UBE2G1: variants seen among roughly 807,000 people sequenced by gnomAD.
The protein encoded by UBE2G1 is ubiquitin-conjugating enzyme E2 G1.
In UBE2G1, 5 loss-of-function variants were observed where a neutral mutation model predicts 22.7. The observed-to-expected ratio is 0.22, with a 90% CI of 0.12 to 0.46. The LOEUF is 0.46. UBE2G1 is among the 20% of genes least tolerant of loss of function. The pLI, the probability that UBE2G1 is intolerant of heterozygous loss-of-function variation, is 0.99. For missense variants in UBE2G1, 88 were observed against 203.9 expected, an observed-to-expected ratio of 0.43 and a Z score of 3.46; for synonymous variants, 74 against 67.5, an observed-to-expected ratio of 1.10 and a Z score of -0.47.
At chr17:4,351,222 A>G (rs1394148075) in intron 1 of UBE2G1, among the ~76,000 whole-genome samples, 1 of 152,070 alleles carries the variant, frequency 6.6e-6, no homozygotes, top group Admixed American at 6.6e-5. Flanking sequence ...AACTGAATGC[A>G]GGGTATGTAA....
chr17:4,364,746 A>AT (rs1480508470), intron 1 of UBE2G1, among the ~76,000 whole-genome samples: 1 of 151,298 alleles, frequency 6.6e-6, no homozygotes, highest in African/African-American at 2.4e-5. Context: ...CGCCCGAATA[A>AT]TTTTTTGTAT....
At chr17:4,347,395 G>C (rs1031716923) in intron 1 of UBE2G1, among the ~76,000 whole-genome samples, 1 of 150,612 alleles carries the variant, frequency 6.6e-6, no homozygotes, top group East Asian at 1.9e-4. Context: ...AAGTCTATCA[G>C]TGCCATTTTT....
At chr17:4,316,938 TAAAAAAAAA>T (rs33950725) in intron 1 of UBE2G1, among the ~76,000 whole-genome samples, 1 of 134,346 alleles carries the variant, frequency 7.4e-6, no homozygotes, top group South Asian at 2.4e-4. Flanking sequence ...GTCTCTTGAA[TAAAAAAAAA>T]AAAAAAAAAA....
intron 3 of UBE2G1, among the ~76,000 whole-genome samples, chr17:4,295,434 G>A (rs886642008): frequency 2.0e-5 from 3 of 152,154 alleles, no homozygotes; most frequent in Non-Finnish European, 2.9e-5. Flanking sequence ...TGCCCATCTG[G>A]TTTTCAAGCC....
intron 1 of UBE2G1, among the ~76,000 whole-genome samples, chr17:4,351,970 A>G (rs1969850150): frequency 6.6e-6 from 1 of 152,154 alleles, no homozygotes; most frequent in Non-Finnish European, 1.5e-5. Flanking sequence ...CAGTGGTATA[A>G]AATGCGGTGG....
At chr17:4,325,065 A>T (rs1969488364) in intron 1 of UBE2G1, among the ~76,000 whole-genome samples, 1 of 152,100 alleles carries the variant, frequency 6.6e-6, no homozygotes, top group South Asian at 2.1e-4. Context: ...GGACAGAGCG[A>T]GACTCCGTCT....
chr17:4,280,687 G>C (rs1968877717), intron 5 of UBE2G1, among the ~76,000 whole-genome samples: 1 of 151,440 alleles, frequency 6.6e-6, no homozygotes, highest in African/African-American at 2.4e-5. Context: ...GCACAGGCTG[G>C]AGTGCAGTGG....
At chr17:4,332,838 AC>A (rs1466600665) in intron 1 of UBE2G1, among the ~76,000 whole-genome samples, 1 of 151,882 alleles carries the variant, frequency 6.6e-6, no homozygotes, top group Non-Finnish European at 1.5e-5. Flanking sequence ...GTCCACTGTC[AC>A]CCTATTTTTA....
chr17:4,284,646 T>C (rs762786695), intron 4 of UBE2G1, among the ~76,000 whole-genome samples: 44 of 151,746 alleles, frequency 2.9e-4, no homozygotes, highest in Non-Finnish European at 5.4e-4. Flanking sequence ...GTGTGGGTAT[T>C]GGTGCCAAAA....
chr17:4,291,350 C>T (rs1300257449), intron 3 of UBE2G1, among the ~76,000 whole-genome samples: 5 of 104,606 alleles, frequency 4.8e-5, no homozygotes, highest in African/African-American at 1.1e-4. Flanking sequence ...ACGGGCGAAA[C>T]TCCATCTCAA....
At chr17:4,308,951 A>C (rs915192906) in intron 1 of UBE2G1, among the ~76,000 whole-genome samples, 2 of 152,154 alleles carry the variant, frequency 1.3e-5, no homozygotes, top group Non-Finnish European at 2.9e-5. Flanking sequence ...AAATAGGAGA[A>C]AGCCAATAGT....
At chr17:4,362,913 A>C (rs1013134021) in intron 1 of UBE2G1, among the ~76,000 whole-genome samples, 2 of 152,088 alleles carry the variant, frequency 1.3e-5, no homozygotes, top group African/African-American at 4.8e-5. Context: ...ACCTGAAGTC[A>C]GGAGTTCGAG....
At chr17:4,295,625 T>C (rs1212268720) in intron 3 of UBE2G1, among the ~76,000 whole-genome samples, 1 of 152,172 alleles carries the variant, frequency 6.6e-6, no homozygotes, top group African/African-American at 2.4e-5. Flanking sequence ...AAGAGACAAC[T>C]CTGATTACAT....
At chr17:4,340,643 T>C (rs922761447) in intron 1 of UBE2G1, among the ~76,000 whole-genome samples, 1 of 152,166 alleles carries the variant, frequency 6.6e-6, no homozygotes, top group Non-Finnish European at 1.5e-5. Context: ...CTGCCATGAT[T>C]GTAAGTTTCC....
At chr17:4,324,302 G>A (rs1969477013) in intron 1 of UBE2G1, among the ~76,000 whole-genome samples, 1 of 152,172 alleles carries the variant, frequency 6.6e-6, no homozygotes, top group Non-Finnish European at 1.5e-5. Flanking sequence ...CTAAGAAGTG[G>A]CTAGTCTTAC....
Position 4,269,662 on chromosome 17 carries a change from G to A in UBE2G1, c.*2892C>T, listed in dbSNP as rs1049128726. 5.4e-6 allele frequency: 1 copy of A among 186,150 alleles called. No individual in the cohort carries two copies. The highest frequency in any genetic ancestry group is 1.1e-5 in the Non-Finnish European group (1 of 88,764). The allele number at this position is 186,150 out of a possible 1,614,324, so 11.5% of individuals were successfully genotyped here. On this transcript the variant is annotated 3_prime_UTR_variant, in exon 6 of 6. Transcript: ENST00000396981. ...TTAGTATGACACGTCAACCTCATAT[G>A]GATTTTAAACTCAAAAAAGAGGCCA...
At chr17:4,333,972 T>C (rs947893358) in intron 1 of UBE2G1, among the ~76,000 whole-genome samples, 2 of 124,126 alleles carry the variant, frequency 1.6e-5, no homozygotes, top group Non-Finnish European at 3.1e-5. Context: ...CTTCATTTCC[T>C]CAGAAGAAAA....
At chr17:4,274,476 C>T (rs1259668083) in intron 5 of UBE2G1, among the ~76,000 whole-genome samples, 1 of 152,138 alleles carries the variant, frequency 6.6e-6, no homozygotes, top group Non-Finnish European at 1.5e-5. Context: ...GGATTAGAGG[C>T]GTGAGCCACC....
intron 1 of UBE2G1, among the ~76,000 whole-genome samples, chr17:4,356,955 G>A (rs1475879273): frequency 6.6e-6 from 1 of 152,080 alleles, no homozygotes; most frequent in Non-Finnish European, 1.5e-5. Flanking sequence ...AAGGTTTCCT[G>A]TAACCTTTAC....
Sources: allele counts gnomAD v4.1 joint callset (sites outside exome capture counted in the v4.1 genomes callset), GRCh38; gene constraint gnomAD v4.1.1; transcripts MANE v1.5; gene names NCBI Gene and HGNC (gene_info 2026-07-23, HGNC 2026-07-21).